GRM7: variants seen among roughly 807,000 people sequenced by gnomAD.
GRM7 encodes the protein metabotropic glutamate receptor 7.
A neutral mutation model predicts 84.5 loss-of-function variants in GRM7; 35 were observed. The observed-to-expected ratio is 0.41, with a 90% CI of 0.32 to 0.55. The LOEUF is 0.55. Ranked by LOEUF, GRM7 falls within the 20% of genes least tolerant of loss-of-function variation. The pLI, the probability that GRM7 is intolerant of heterozygous loss-of-function variation, is 0.19. For missense variants in GRM7, 1,003 were observed against 1,194.6 expected, an observed-to-expected ratio of 0.84 and a Z score of 2.36; for synonymous variants, 487 against 455.1, an observed-to-expected ratio of 1.07 and a Z score of -0.89.
chr3:7,203,841 A>G (rs561350229), intron 2 of GRM7, among the ~76,000 whole-genome samples: 16 of 152,152 alleles, frequency 1.1e-4, no homozygotes, highest in Non-Finnish European at 1.9e-4. Flanking sequence ...TTGTGTTTAT[A>G]TTCTTATCGC....
chr3:7,282,473 C>T (rs1276110251), intron 2 of GRM7, among the ~76,000 whole-genome samples: 2 of 152,302 alleles, frequency 1.3e-5, no homozygotes, highest in Non-Finnish European at 2.9e-5. Context: ...TCTTGCTTCT[C>T]TCTCACTTGT....
intron 4 of GRM7, among the ~76,000 whole-genome samples, chr3:7,320,044 C>A (rs1251019464): frequency 6.6e-6 from 1 of 151,944 alleles, no homozygotes; most frequent in African/African-American, 2.4e-5. Context: ...GTTGACTTAT[C>A]TTTCACTTTA....
intron 7 of GRM7, among the ~76,000 whole-genome samples, chr3:7,473,494 GA>G (rs1698793022): frequency 1.6e-5 from 1 of 64,164 alleles, no homozygotes; most frequent in African/African-American, 6.0e-5. Flanking sequence ...GAGAGGGAGA[GA>G]GAGAGAGAGA....
intron 1 of GRM7, among the ~76,000 whole-genome samples, chr3:7,144,001 A>T (rs187294978): frequency 6.6e-6 from 1 of 152,166 alleles, no homozygotes; most frequent in South Asian, 2.1e-4. Context: ...TAGGTAACTC[A>T]TTCTATAAAG....
rs185723262 is a variant in GRM7 at position 6,996,284 on chromosome 3, G to A, written c.519+134377G>A. On this transcript the variant is annotated intron_variant, in intron 1 of 9. Coordinates refer to ENST00000357716, the MANE Select transcript of GRM7 (RefSeq NM_000844.4). Reference sequence around the variant, plus strand: ...AGGATGATCTCGAGGCAGAGACCTCGTGATCCACCTGCTTCGGTCTCCCAA... The same window carrying A: ...AGGATGATCTCGAGGCAGAGACCTCATGATCCACCTGCTTCGGTCTCCCAA... Among the ~76,000 whole-genome samples the A allele has an allele frequency of 7.2e-5, 11 of 152,234 alleles. 1 individual carries two copies. Among genetic ancestry groups the A allele is most frequent in the African/African-American group, 2.2e-4 (9 of 41,542 alleles).
intron 9 of GRM7, chr3:7,686,417 C>A (rs1420506541): frequency 1.9e-6 from 3 of 1,544,200 alleles, no homozygotes; most frequent in Non-Finnish European, 2.7e-6. Flanking sequence ...ACTATCCCAC[C>A]AACAGTATAG....
At chr3:7,721,783 C>A (rs775173659) in intron 9 of GRM7, among the ~76,000 whole-genome samples, 1 of 152,128 alleles carries the variant, frequency 6.6e-6, no homozygotes, top group Non-Finnish European at 1.5e-5. Context: ...GCAAGACTAG[C>A]GGGGCCATTG....
intron 1 of GRM7, among the ~76,000 whole-genome samples, chr3:7,039,354 A>T (rs892928358): frequency 2.0e-5 from 3 of 152,196 alleles, no homozygotes; most frequent in Non-Finnish European, 4.4e-5. Flanking sequence ...AGTGTTTTTT[A>T]AAAAAATTTT....
chr3:7,561,373 G>C (rs1460569631), intron 7 of GRM7: 2 of 337,818 alleles, frequency 5.9e-6, no homozygotes, highest in African/African-American at 4.3e-5. Context: ...TTGAGGGAAA[G>C]AAAATAGGTG....
At chr3:7,345,899 G>A (rs559374554) in intron 4 of GRM7, among the ~76,000 whole-genome samples, 2 of 152,156 alleles carry the variant, frequency 1.3e-5, no homozygotes, top group South Asian at 2.1e-4. Flanking sequence ...CGTAAGTTAG[G>A]TATGGTTGCA....
intron 1 of GRM7, among the ~76,000 whole-genome samples, chr3:7,132,550 T>C (rs1693637387): frequency 1.3e-5 from 2 of 152,166 alleles, no homozygotes; most frequent in African/African-American, 4.8e-5. Flanking sequence ...TAGGAAACGC[T>C]AAATGCTCAT....
intron 1 of GRM7, among the ~76,000 whole-genome samples, chr3:7,007,039 C>T (rs1695201781): frequency 6.6e-6 from 1 of 152,150 alleles, no homozygotes; most frequent in Admixed American, 6.5e-5. Flanking sequence ...TTGGTTATTA[C>T]TTCTGGATAG....
intron 2 of GRM7, among the ~76,000 whole-genome samples, chr3:7,272,952 G>T (rs1698920053): frequency 6.6e-6 from 1 of 151,416 alleles, no homozygotes; most frequent in African/African-American, 2.4e-5. Context: ...ATTGCTTTTA[G>T]ATTTTTATTT....
At chr3:6,952,412 C>G (rs990372631) in intron 1 of GRM7, among the ~76,000 whole-genome samples, 1 of 152,102 alleles carries the variant, frequency 6.6e-6, no homozygotes, top group Non-Finnish European at 1.5e-5. Context: ...AGGGAGAAAC[C>G]CTTTGTGGAT....
At chr3:7,044,028 G>A (rs933720754) in intron 1 of GRM7, among the ~76,000 whole-genome samples, 2 of 152,128 alleles carry the variant, frequency 1.3e-5, no homozygotes. Context: ...ATTAACTTTA[G>A]CTCATCACTC....
intron 4 of GRM7, among the ~76,000 whole-genome samples, chr3:7,325,814 A>G (rs1700962334): frequency 1.3e-5 from 2 of 152,162 alleles, no homozygotes; most frequent in African/African-American, 2.4e-5. Context: ...TGATGTACCA[A>G]TTAAAACATT....
At chr3:7,108,510 C>T (rs71298410) in intron 1 of GRM7, among the ~76,000 whole-genome samples, 241 of 130,652 alleles carry the variant, frequency 1.8e-3, no homozygotes, top group Non-Finnish European at 3.3e-3. Flanking sequence ...TTTTTTTTTG[C>T]TGCTTTTCTC....
intron 9 of GRM7, among the ~76,000 whole-genome samples, chr3:7,713,653 T>G (rs773760198): frequency 6.6e-6 from 1 of 151,914 alleles, no homozygotes; most frequent in South Asian, 2.1e-4. Flanking sequence ...GCTCAGAGAG[T>G]AGTTCAAGGA....
chr3:7,641,484 A>G (rs1698360979), intron 8 of GRM7, among the ~76,000 whole-genome samples: 1 of 152,136 alleles, frequency 6.6e-6, no homozygotes, highest in Non-Finnish European at 1.5e-5. Flanking sequence ...AGGACTTTCT[A>G]GGGCAGTGGT....
Sources: allele counts gnomAD v4.1 joint callset (sites outside exome capture counted in the v4.1 genomes callset), GRCh38; gene constraint gnomAD v4.1.1; transcripts MANE v1.5; gene names NCBI Gene and HGNC (gene_info 2026-07-23, HGNC 2026-07-21).